The following EPB41 variants were observed in gnomAD, a reference collection of about 807,000 sequenced individuals.
EPB41 encodes the protein erythrocyte membrane protein band 4.1.
Under a neutral mutation model 108.0 loss-of-function variants are expected in EPB41, and 65 were observed. The ratio of observed to expected loss-of-function variants is 0.60; its 90% CI spans 0.49 to 0.74. The LOEUF is 0.74. Ranked by LOEUF, EPB41 falls within the 30% of genes least tolerant of loss-of-function variation. The pLI is 0.00. For missense variants in EPB41, 875 were observed against 1,037.0 expected (o/e 0.84, Z 2.15); for synonymous variants, 336 against 358.9 (o/e 0.94, Z 0.72).
intron 19 of EPB41, among the ~76,000 whole-genome samples, chr1:29,112,965 G>C (rs1669700960): frequency 6.6e-6 from 1 of 152,196 alleles, no homozygotes; most frequent in Non-Finnish European, 1.5e-5. Flanking sequence ...CGGGAGCATA[G>C]TATGGTGGAC....
chr1:29,109,648 T>A, intron 18 of EPB41: 1 of 604,700 alleles, frequency 1.7e-6, no homozygotes, highest in Non-Finnish European at 3.0e-6. Flanking sequence ...CCTGCCTACT[T>A]AGTAGTCTCC....
chr1:28,961,503 T>C (rs1280332986), intron 1 of EPB41, among the ~76,000 whole-genome samples: 1 of 152,194 alleles, frequency 6.6e-6, no homozygotes, highest in Non-Finnish European at 1.5e-5. Flanking sequence ...ACCCGGTTTA[T>C]AGTCCCAGTC....
At chr1:29,063,094 G>A (rs1362034012) in intron 15 of EPB41, among the ~76,000 whole-genome samples, 1 of 152,058 alleles carries the variant, frequency 6.6e-6, no homozygotes, top group African/African-American at 2.4e-5. Context: ...AATGTATTAG[G>A]TTGTTCTTGG....
At chr1:29,084,388 T>A (rs890075469) in intron 16 of EPB41, among the ~76,000 whole-genome samples, 1 of 152,194 alleles carries the variant, frequency 6.6e-6, no homozygotes, top group African/African-American at 2.4e-5. Flanking sequence ...ATTGGTTATA[T>A]CATTAAGCAG....
rs539629010 is a variant in EPB41 at position 29,078,737 on chromosome 1, C to A, written c.2184+13579C>A. On this transcript the variant is annotated intron_variant, in intron 16 of 20. Transcript: ENST00000343067. ...TACTCCATCCTAAGCAAGAGCAAGA[C>A]CCCGTCTCTACAAAAAATAAATAAT... Among the ~76,000 whole-genome samples, 6 of 152,234 alleles carry A rather than the reference C, an allele frequency of 3.9e-5. No individual in the cohort carries two copies. In the East Asian group the frequency reaches 5.8e-4, roughly 15 times the overall value.
At chr1:29,060,771 A>G (rs1300525967) in intron 15 of EPB41, among the ~76,000 whole-genome samples, 4 of 152,324 alleles carry the variant, frequency 2.6e-5, no homozygotes, top group African/African-American at 9.6e-5. Flanking sequence ...AGAAAATTCT[A>G]CACCATTGCT....
chr1:28,985,582 A>G (rs1052855602), intron 1 of EPB41: 1 of 152,244 alleles, frequency 6.6e-6, no homozygotes, highest in Non-Finnish European at 1.5e-5. Context: ...CCAGCCTTCA[A>G]ATAGGCAGGA....
chr1:28,987,527 A>T lies in EPB41; in HGVS notation c.90A>T (p.Gln30His), dbSNP rs758679104. ...GTGAGGAAGCCATAAACTCAGGCCA[A>T]CAAGAACCTCAGCAGGAGGAATCTT... ...EEGEEAINSG[Q>H]QEPQQEESCQ... Residue 30 changes from glutamine (Q) to histidine (H), a missense_variant, in exon 2 of 21, where the codon CAA becomes CAT. By Grantham distance (24) the Gln-to-His change is conservative. Coordinates refer to ENST00000343067, the MANE Select transcript of EPB41 (RefSeq NM_001376013.1). 2 of 1,614,110 alleles carry T rather than the reference A, an allele frequency of 1.2e-6. No homozygotes were observed. The highest frequency in any genetic ancestry group is 1.1e-5 in the South Asian group (1 of 91,090).
Position 28,935,467 on chromosome 1 carries a change from ACCCCCCC to A in EPB41, c.-8+20706_-8+20712del, listed in dbSNP as rs71022381. Among the ~76,000 whole-genome samples, 186 of 64,200 alleles carry A rather than the reference ACCCCCCC, an allele frequency of 2.9e-3. 6 individuals are homozygous for A. Among genetic ancestry groups the A allele is most frequent in the African/African-American group, 7.1e-3 (134 of 18,912 alleles). The allele number at this position is 64,200 out of a possible 152,430, so 42.1% of individuals were successfully genotyped here. Reference sequence around the variant, plus strand: ...CACACACACACACACACACACACACACCCCCCCCCCCCCAAGATCTACGCACTAACTG... The same window carrying A: ...CACACACACACACACACACACACACACCCCCCAAGATCTACGCACTAACTG... On this transcript the variant is annotated intron_variant, in intron 1 of 20. Coordinates refer to ENST00000343067, the MANE Select transcript of EPB41 (RefSeq NM_001376013.1).
At chr1:28,956,926 A>G (rs954607563) in intron 1 of EPB41, among the ~76,000 whole-genome samples, 3 of 152,262 alleles carry the variant, frequency 2.0e-5, no homozygotes, top group African/African-American at 7.2e-5. Flanking sequence ...TGAGTGCTAG[A>G]GTTTAGGAAA....
upstream of EPB41, among the ~76,000 whole-genome samples, chr1:28,912,000 C>T (rs190627361): frequency 2.0e-5 from 3 of 152,126 alleles, no homozygotes; most frequent in Non-Finnish European, 2.9e-5. Context: ...GAGGCGAGAT[C>T]GTGCCATTGC....
chr1:28,926,504 ATACCTT>A (rs2093456241), intron 1 of EPB41, among the ~76,000 whole-genome samples: 1 of 152,234 alleles, frequency 6.6e-6, no homozygotes, highest in East Asian at 1.9e-4. Context: ...TTTTACGACT[ATACCTT>A]TACTTATGTC....
At chr1:29,015,011 T>C (rs1436243407) in intron 5 of EPB41, among the ~76,000 whole-genome samples, 1 of 151,898 alleles carries the variant, frequency 6.6e-6, no homozygotes, top group East Asian at 1.9e-4. Context: ...CTGAGTGTTG[T>C]GTACATGCCT....
chr1:29,049,552 C>T lies in EPB41; in HGVS notation c.1637-3552C>T, dbSNP rs140246345. Reference sequence around the variant, plus strand: ...TTTGTTTTTTGTCTTGAAAAACAAACATTGTATCAGAGGACACAAATGATT... The same window carrying T: ...TTTGTTTTTTGTCTTGAAAAACAAATATTGTATCAGAGGACACAAATGATT... On this transcript the variant is annotated intron_variant, in intron 11 of 20. Transcript: ENST00000343067. Among the ~76,000 whole-genome samples, 573 of 152,246 alleles carry T rather than the reference C, an allele frequency of 3.8e-3. 6 individuals carry two copies. Among genetic ancestry groups the T allele is most frequent in the African/African-American group, 0.013 (532 of 41,546 alleles).
At position 29,018,703 on chromosome 1, in the gene EPB41, C is replaced by T. The variant is rs1193628136; in HGVS notation, c.1124+261C>T. Among the ~76,000 whole-genome samples the T allele has an allele frequency of 6.6e-6, 1 of 152,132 alleles. No homozygotes were observed. The highest frequency in any genetic ancestry group is 1.5e-5 in the Non-Finnish European group (1 of 68,038). On this transcript the variant is annotated intron_variant, in intron 7 of 20. Transcript: ENST00000343067. This position sits in a 1 kb window ranked among gnomAD's most constrained non-coding sequence, Gnocchi z 4.4. The stretch of plus-strand genomic sequence containing the variant: ...TTAGCACAGTGGCTGGCTCAGTGCT[C>T]AGCAAATGGCAGCTATTATTATTTT...
At chr1:28,955,322 C>T (rs2094900637) in intron 1 of EPB41, among the ~76,000 whole-genome samples, 1 of 151,604 alleles carries the variant, frequency 6.6e-6, no homozygotes, top group African/African-American at 2.4e-5. Context: ...TTTTCCTTGA[C>T]AATCTGATGA....
In EPB41 at chr1:28,993,519, A is replaced by T; in HGVS notation, c.658A>T (p.Thr220Ser). ...CTGCAAGGTTTCTTTGTTGGATGAC[A>T]CAGTTTATGAATGTGTTGTGGAGGT... The part of the protein sequence containing the change: ...MHCKVSLLDD[T>S]VYECVVEKHA... Residue 220 changes from threonine (T) to serine (S), a missense_variant, in exon 3 of 21, where the codon ACA (threonine) becomes TCA (serine). Thr to Ser is a moderately conservative substitution (Grantham distance 58). Coordinates refer to ENST00000343067, the MANE Select transcript of EPB41 (RefSeq NM_001376013.1). 1 of 1,614,106 alleles carries T rather than the reference A, an allele frequency of 6.2e-7. No individual in the cohort carries two copies. Among genetic ancestry groups the T allele is most frequent in the Non-Finnish European group, 8.5e-7 (1 of 1,180,008 alleles).
At chr1:28,945,100 A>AG (rs1274992869) in intron 1 of EPB41, among the ~76,000 whole-genome samples, 1 of 151,784 alleles carries the variant, frequency 6.6e-6, no homozygotes, top group African/African-American at 2.4e-5. Context: ...AAAGAAAAAA[A>AG]AAAAAAAAGA....
chr1:28,991,232 A>G (rs2096010846), intron 2 of EPB41, among the ~76,000 whole-genome samples: 1 of 150,070 alleles, frequency 6.7e-6, no homozygotes, highest in Non-Finnish European at 1.5e-5. Context: ...ATATATAAAT[A>G]TAGGATTGTA....
Sources: gnomAD v4.1 joint callset for allele counts (sites outside exome capture counted in the v4.1 genomes callset) on GRCh38, gnomAD v4.1.1 for gene constraint, Gnocchi (gnomAD v3.1) non-coding constraint, MANE v1.5 for transcripts, NCBI Gene and HGNC (gene_info 2026-07-23, HGNC 2026-07-21) for gene names.